The following TAFA2 variants were observed in gnomAD, a reference collection of about 807,000 sequenced individuals.
TAFA2 encodes the protein TAFA chemokine like family member 2.
TAFA2 carries 7 observed loss-of-function variants against 18.8 expected under a neutral mutation model. The ratio of observed to expected loss-of-function variants is 0.37; its 90% CI spans 0.21 to 0.70. TAFA2 has a LOEUF of 0.70. TAFA2 is among the 30% of genes least tolerant of loss of function. The pLI is 0.53. For synonymous variants in TAFA2, 60 were observed against 54.2 expected, an observed-to-expected ratio of 1.11 and a Z score of -0.47; for missense variants, 122 against 158.1, an observed-to-expected ratio of 0.77 and a Z score of 1.23.
chr12:61,788,605 G>A (rs879325168), intron 2 of TAFA2, among the ~76,000 whole-genome samples: 2 of 151,408 alleles, frequency 1.3e-5, no homozygotes, highest in Non-Finnish European at 3.0e-5. Flanking sequence ...AAACATCAAC[G>A]GAATAAAGAA....
At chr12:61,725,356 C>T (rs1870111558) in intron 4 of TAFA2, among the ~76,000 whole-genome samples, 1 of 152,034 alleles carries the variant, frequency 6.6e-6, no homozygotes, top group African/African-American at 2.4e-5. Flanking sequence ...GAATTCTTTG[C>T]ATAAGCTGGT....
intron 1 of TAFA2, among the ~76,000 whole-genome samples, chr12:61,883,997 C>T (rs1875258821): frequency 6.6e-6 from 1 of 151,978 alleles, no homozygotes; most frequent in Admixed American, 6.5e-5. Flanking sequence ...AATGTTGAAC[C>T]CTGATCTGAA....
chr12:61,770,239 T>A lies in TAFA2; in HGVS notation c.107-15215A>T, dbSNP rs181982387. ...AATAAAGCCTCCAAGAAGTTTGGAA[T>A]TATGTTAATCAAACCTAAGAATAAT... On this transcript the variant is annotated intron_variant, in intron 2 of 4. Coordinates refer to ENST00000416284, the MANE Select transcript of TAFA2 (RefSeq NM_178539.5). 2.4e-3 allele frequency among the ~76,000 whole-genome samples: 361 copies of A among 152,184 alleles called. 4 individuals are homozygous for A. The highest frequency in any genetic ancestry group is 0.015 in the South Asian group (73 of 4,826).
chr12:62,118,919 G>A (rs903859822), intron 1 of TAFA2, among the ~76,000 whole-genome samples: 3 of 152,038 alleles, frequency 2.0e-5, no homozygotes, highest in Admixed American at 6.6e-5. Context: ...TCTCTTTAAT[G>A]AACTAAAGCT....
At chr12:62,062,118 G>A (rs996091679) in intron 1 of TAFA2, among the ~76,000 whole-genome samples, 1 of 152,126 alleles carries the variant, frequency 6.6e-6, no homozygotes, top group Non-Finnish European at 1.5e-5. Flanking sequence ...AGGTTGCACT[G>A]AGCTGAGATG....
intron 1 of TAFA2, among the ~76,000 whole-genome samples, chr12:61,924,657 G>A (rs186919961): frequency 3.3e-5 from 5 of 152,244 alleles, no homozygotes; most frequent in South Asian, 4.1e-4. Context: ...AAAGACCATC[G>A]ACACTATGAA....
intron 1 of TAFA2, chr12:61,878,204 T>C: frequency 2.4e-6 from 1 of 414,012 alleles, no homozygotes; most frequent in Admixed American, 2.7e-5. Context: ...ACAGGATGAC[T>C]TTTAAAAGAG....
At chr12:61,882,908 A>C (rs1349022352) in intron 1 of TAFA2, among the ~76,000 whole-genome samples, 1 of 152,132 alleles carries the variant, frequency 6.6e-6, no homozygotes, top group Non-Finnish European at 1.5e-5. Flanking sequence ...TGCCTTAACT[A>C]CCTCACAAGG....
In TAFA2 at chr12:61,975,194, A is replaced by G. The variant is rs529478662; in HGVS notation, c.-1-107768T>C. Among the ~76,000 whole-genome samples, 8 of 151,836 alleles carry G rather than the reference A, an allele frequency of 5.3e-5. No individual in the cohort carries two copies. In the South Asian group the frequency reaches 1.7e-3, roughly 31 times the overall value. ...ACTCTTGGCAAATTTCAAGTATACA[A>G]TATTATTAATATGTAGTCTTCATGC... On this transcript the variant is annotated intron_variant, in intron 1 of 4. Coordinates refer to ENST00000416284, the MANE Select transcript of TAFA2 (RefSeq NM_178539.5).
chr12:62,142,577 G>A (rs1358713451), intron 1 of TAFA2, among the ~76,000 whole-genome samples: 1 of 152,116 alleles, frequency 6.6e-6, no homozygotes, highest in Non-Finnish European at 1.5e-5. Flanking sequence ...GGCCAATATT[G>A]CAGAGCAGCT....
intron 4 of TAFA2, among the ~76,000 whole-genome samples, chr12:61,731,098 C>A (rs1001935226): frequency 2.0e-5 from 3 of 152,088 alleles, no homozygotes. Flanking sequence ...ACTGGGAGTA[C>A]CTCCAGGGTT....
intron 1 of TAFA2, among the ~76,000 whole-genome samples, chr12:61,929,538 C>T (rs996837071): frequency 1.3e-5 from 2 of 152,176 alleles, no homozygotes; most frequent in African/African-American, 4.8e-5. Context: ...GAAATAGGAA[C>T]GTTTTTACAC....
intron 1 of TAFA2, among the ~76,000 whole-genome samples, chr12:62,058,625 CCTT>C (rs1882252352): frequency 6.6e-6 from 1 of 151,686 alleles, no homozygotes; most frequent in Admixed American, 6.6e-5. Context: ...TCACCTCCCC[CCTT>C]TTTTTTCTGT....
At chr12:62,172,590 G>T (rs752978707) in intron 1 of TAFA2, among the ~76,000 whole-genome samples, 45 of 152,310 alleles carry the variant, frequency 3.0e-4, no homozygotes, top group Non-Finnish European at 5.3e-4. Context: ...TGACATTCAT[G>T]ATGGACCAAA....
In TAFA2 at chr12:61,736,297, G is replaced by A. The variant is rs144869903; in HGVS notation, c.384+17325C>T. Among the ~76,000 whole-genome samples, 33 of 152,078 alleles carry A rather than the reference G, an allele frequency of 2.2e-4. No individual in the cohort carries two copies. The East Asian group carries it at 5.4e-3, about 25-fold the overall frequency. On this transcript the variant is annotated intron_variant, in intron 4 of 4. Transcript: ENST00000416284. ...TTCACTTTCTTGTTGGCTTTCCAAT[G>A]CCTCCAAACATATCATCTTATATTT...
intron 1 of TAFA2, among the ~76,000 whole-genome samples, chr12:62,124,045 A>G (rs1319832799): frequency 6.6e-6 from 1 of 152,212 alleles, no homozygotes; most frequent in Non-Finnish European, 1.5e-5. Flanking sequence ...TGGATAAATT[A>G]GTAACAATAA....
rs375543782 is a variant in TAFA2 at position 62,156,899 on chromosome 12, A to G, written c.-2+34360T>C. Among the ~76,000 whole-genome samples the G allele has an allele frequency of 2.6e-5, 4 of 152,186 alleles. No homozygotes were observed. The East Asian group carries it at 7.7e-4, about 29-fold the overall frequency. On this transcript the variant is annotated intron_variant, in intron 1 of 4. Transcript: ENST00000416284. ...AATAACTTAAGGGAAAAAAATTTAAAAACTATATGTGATTCACTATGGTCT... is the reference window on the plus strand; with the variant it reads ...AATAACTTAAGGGAAAAAAATTTAAGAACTATATGTGATTCACTATGGTCT...
chr12:61,818,931 A>G (rs1248591809), intron 2 of TAFA2, among the ~76,000 whole-genome samples: 1 of 152,200 alleles, frequency 6.6e-6, no homozygotes, highest in Admixed American at 6.5e-5. Context: ...TTAAATTTCC[A>G]TATTTTATAA....
intron 1 of TAFA2, among the ~76,000 whole-genome samples, chr12:62,160,819 G>T (rs999523060): frequency 6.6e-6 from 1 of 152,128 alleles, no homozygotes; most frequent in African/African-American, 2.4e-5. Context: ...GTGTAGGTGG[G>T]TATGTGTGTG....
Sources: gnomAD v4.1 joint callset for allele counts (sites outside exome capture counted in the v4.1 genomes callset) on GRCh38, gnomAD v4.1.1 for gene constraint, MANE v1.5 for transcripts, NCBI Gene and HGNC (gene_info 2026-07-23, HGNC 2026-07-21) for gene names.